The following PECR variants were observed in gnomAD, a reference collection of about 807,000 sequenced individuals.
PECR encodes the protein peroxisomal trans-2-enoyl-CoA reductase.
Under a neutral mutation model 35.3 loss-of-function variants are expected in PECR, and 30 were observed. The observed-to-expected ratio is 0.85, with a 90% confidence interval of 0.64 to 1.15. PECR has a LOEUF of 1.15. Ranked by LOEUF, PECR falls within the 50% of genes most tolerant of loss-of-function variation. PECR has a pLI of 0.00. For synonymous variants in PECR, 148 were observed against 138.9 expected (o/e 1.07, Z -0.46); for missense variants, 392 against 370.8 (o/e 1.06, Z -0.47).
At chr2:216,053,124 G>C (rs1315650672) in intron 4 of PECR, among the ~76,000 whole-genome samples, 1 of 152,140 alleles carries the variant, frequency 6.6e-6, no homozygotes, top group Non-Finnish European at 1.5e-5. Flanking sequence ...AAAGTGCTGG[G>C]ATTACAGGCA....
At chr2:216,037,859 C>T (rs187078578), downstream of PECR, among the ~76,000 whole-genome samples, 2 of 150,214 alleles carry the variant, frequency 1.3e-5, no homozygotes, top group African/African-American at 4.9e-5. Context: ...CCAAAGCGGG[C>T]AGATCACTTA....
Position 216,081,681 on chromosome 2 carries a change from C to T in PECR, c.61G>A (p.Ala21Thr). 6.2e-7 allele frequency: 1 copy of T among 1,613,724 alleles called. No individual in the cohort carries two copies. Among genetic ancestry groups the T allele is most frequent in the Non-Finnish European group, 8.5e-7 (1 of 1,179,960 alleles). The change falls in exon 1 of 8, where the codon GCC becomes ACC. Residue 21 changes from alanine (A) to threonine (T), a missense_variant. Physicochemically the swap from Ala to Thr is moderately conservative, Grantham distance 58. Transcript: ENST00000265322. Reference sequence around the variant, plus strand: ...CCCGTGGCCCCGCCGGTGACGATGGCCACTTGGCCCTGCAGCAAACCAGGC... The same window carrying T: ...CCCGTGGCCCCGCCGGTGACGATGGTCACTTGGCCCTGCAGCAAACCAGGC... ...LAPGLLQGQV[A>T]IVTGGATGIG...
intron 4 of PECR, among the ~76,000 whole-genome samples, chr2:216,056,675 C>T (rs897412161): frequency 6.7e-6 from 1 of 148,228 alleles, no homozygotes; most frequent in African/African-American, 2.5e-5. Context: ...GAGCCAAGAT[C>T]GCCCCATTGC....
chr2:216,055,352 G>A (rs1411439828), intron 4 of PECR, among the ~76,000 whole-genome samples: 2 of 151,222 alleles, frequency 1.3e-5, no homozygotes, highest in Non-Finnish European at 2.9e-5. Flanking sequence ...CAGGAGAATC[G>A]CCTGAACCCA....
chr2:216,062,891 C>T (rs533434249), intron 3 of PECR, among the ~76,000 whole-genome samples: 10 of 152,304 alleles, frequency 6.6e-5, no homozygotes, highest in African/African-American at 2.4e-4. Flanking sequence ...AGTACAGCAA[C>T]ATGCTATACA....
chr2:216,074,541 A>AAGG (rs1559219583), intron 1 of PECR, among the ~76,000 whole-genome samples: 20 of 81,890 alleles, frequency 2.4e-4, no homozygotes, highest in East Asian at 1.6e-3. Context: ...AGGAAGGAAG[A>AAGG]AAGGAAGGAA....
At chr2:216,062,986 C>T (rs1695386253) in intron 3 of PECR, among the ~76,000 whole-genome samples, 1 of 152,166 alleles carries the variant, frequency 6.6e-6, no homozygotes, top group South Asian at 2.1e-4. Context: ...AATGAAATTG[C>T]CTAATGACAC....
chr2:216,044,534 C>G (rs1694955214), intron 6 of PECR, among the ~76,000 whole-genome samples: 1 of 152,100 alleles, frequency 6.6e-6, no homozygotes, highest in Non-Finnish European at 1.5e-5. Flanking sequence ...GAGCTCTCTA[C>G]AAGAGGAACT....
intron 1 of PECR, among the ~76,000 whole-genome samples, chr2:216,070,629 C>CT (rs1429374432): frequency 1.3e-5 from 2 of 152,184 alleles, no homozygotes; most frequent in African/African-American, 2.4e-5. Context: ...ACAAAAGAAA[C>CT]TGTTTTAAAG....
intron 7 of PECR, among the ~76,000 whole-genome samples, chr2:216,029,453 G>A (rs557907716): frequency 1.4e-4 from 18 of 128,424 alleles, no homozygotes; most frequent in Non-Finnish European, 2.9e-4. Context: ...ACTCCGCCTG[G>A]CGAGAGAGTG....
At chr2:216,036,512 GGAGA>G (rs1000397457), downstream of PECR, among the ~76,000 whole-genome samples, 2 of 152,234 alleles carry the variant, frequency 1.3e-5, no homozygotes, top group African/African-American at 2.4e-5. Context: ...ACCAGCAGGA[GGAGA>G]GAGAGTTACT....
chr2:216,044,006 C>A lies in PECR; in HGVS notation c.724G>T (p.Val242Leu). The change falls in exon 7 of 8, where the codon GTG becomes TTG. Residue 242 changes from valine to leucine, a missense_variant. Val to Leu is a conservative substitution (Grantham distance 32). Coordinates refer to ENST00000265322, the MANE Select transcript of PECR (RefSeq NM_018441.6). ...GCAGGAGACAGTAGGAAGCAGACCA[C>A]AGAGGAGACCTGGAAACAGAAACAC... is the stretch of plus-strand genomic sequence containing the variant. ...RIGVPEEVSS[V>L]VCFLLSPAAS... is the part of the protein sequence containing the mutation. 6.3e-7 allele frequency: 1 copy of A among 1,588,016 alleles called. No homozygotes were observed. Among genetic ancestry groups the A allele is most frequent in the Non-Finnish European group, 8.6e-7 (1 of 1,156,230 alleles).
chr2:216,051,003 G>A (rs1695103325), intron 5 of PECR: 3 of 163,082 alleles, frequency 1.8e-5, no homozygotes, highest in South Asian at 1.6e-4. Context: ...TAGACCTTCT[G>A]GGCCGGGTGC....
At chr2:216,071,293 A>G (rs1695582640) in intron 1 of PECR, among the ~76,000 whole-genome samples, 2 of 152,380 alleles carry the variant, frequency 1.3e-5, no homozygotes, top group East Asian at 1.9e-4. Flanking sequence ...TTGCCAAAGC[A>G]TCTGCTCCAC....
chr2:216,074,531 AG>A (rs1233730285), intron 1 of PECR, among the ~76,000 whole-genome samples: 62 of 134,702 alleles, frequency 4.6e-4, no homozygotes, highest in Non-Finnish European at 7.0e-4. Context: ...GAAGGAAGGA[AG>A]GAAGGAAGAA....
At chr2:216,046,302 A>T (rs1279021999) in intron 6 of PECR, among the ~76,000 whole-genome samples, 43 of 114,584 alleles carry the variant, frequency 3.8e-4, no homozygotes, top group African/African-American at 1.7e-3. Context: ...ACATATATAT[A>T]TATATATATT....
intron 1 of PECR, among the ~76,000 whole-genome samples, chr2:216,079,612 C>A (rs1203209077): frequency 1.3e-5 from 2 of 151,270 alleles, no homozygotes; most frequent in African/African-American, 4.8e-5. Context: ...TGTGCTCTGC[C>A]CGCCTCGGCC....
chr2:216,043,403 C>T (rs1319267530), intron 7 of PECR, among the ~76,000 whole-genome samples: 1 of 152,132 alleles, frequency 6.6e-6, no homozygotes, highest in Non-Finnish European at 1.5e-5. Context: ...AGCCACCATA[C>T]CCGGCCAAAT....
At chr2:216,068,804 ATTTTTTTTTTTTTT>A (rs36012588) in intron 1 of PECR, among the ~76,000 whole-genome samples, 2 of 76,088 alleles carry the variant, frequency 2.6e-5, no homozygotes, top group African/African-American at 1.0e-4. Flanking sequence ...TATCTGGCCA[ATTTTTTTTTTTTTT>A]TTTTTTTTTT....
Sources: gnomAD v4.1 joint callset for allele counts (sites outside exome capture counted in the v4.1 genomes callset) on GRCh38, gnomAD v4.1.1 for gene constraint, MANE v1.5 for transcripts, NCBI Gene and HGNC (gene_info 2026-07-23, HGNC 2026-07-21) for gene names.